Variants in SPIRE2 observed in about 807,000 individuals in gnomAD.
The protein encoded by SPIRE2 is protein spire homolog 2.
Under a neutral mutation model 80.7 loss-of-function variants are expected in SPIRE2, and 76 were observed. The observed-to-expected ratio is 0.94, with a 90% CI of 0.78 to 1.14. SPIRE2 has a LOEUF of 1.14. SPIRE2 is among the 50% of genes most tolerant of loss of function. The probability of loss-of-function intolerance (pLI) is 0.00; values close to 1 mark genes in which losing one functional copy is unlikely to be tolerated. For synonymous variants in SPIRE2, 535 were observed against 432.6 expected (o/e 1.24, Z -2.94); for missense variants, 1,196 against 1,015.3 (o/e 1.18, Z -2.42).
At chr16:89,866,605 T>TATAAGAAGGTA (rs2041791285) in intron 12 of SPIRE2, among the ~76,000 whole-genome samples, 1 of 151,050 alleles carries the variant, frequency 6.6e-6, no homozygotes, top group Non-Finnish European at 1.5e-5. Flanking sequence ...TTGAATTTTT[T>TATAAGAAGGTA]TTTTTTTCTT....
rs1166362745 is a variant in SPIRE2, at chr16:89,863,735, A to G, written c.1711-59A>G. On this transcript the variant is annotated intron_variant, in intron 11 of 14. Coordinates refer to ENST00000378247, the MANE Select transcript of SPIRE2 (RefSeq NM_032451.2). This position sits in a 1 kb window ranked among gnomAD's most constrained non-coding sequence, Gnocchi z 4.3. ...GGAGCCCTGAGGGGGTAGCAGGGACAGGGCGGGACCCCAGGGAGCTTTGGA... is the reference window on the plus strand; with the variant it reads ...GGAGCCCTGAGGGGGTAGCAGGGACGGGGCGGGACCCCAGGGAGCTTTGGA... The G allele has an allele frequency of 7.5e-6, 12 of 1,607,388 alleles. No homozygotes were observed. The highest frequency in any genetic ancestry group is 1.0e-5 in the Non-Finnish European group (12 of 1,174,172).
At chr16:89,851,103 G>A (rs1311760615) in intron 3 of SPIRE2, among the ~76,000 whole-genome samples, 8 of 152,154 alleles carry the variant, frequency 5.3e-5, no homozygotes, top group Non-Finnish European at 1.0e-4. Context: ...TTACAGGCAT[G>A]AGCCACCACG....
intron 10 of SPIRE2, chr16:89,862,892 C>G (rs1453820723): frequency 8.4e-5 from 13 of 154,330 alleles, no homozygotes; most frequent in Admixed American, 7.6e-4. Context: ...CTCGATGGAG[C>G]TGAAATCCAG....
At chr16:89,866,141 C>CCT (rs11389732) in intron 12 of SPIRE2, among the ~76,000 whole-genome samples, 1 of 149,538 alleles carries the variant, frequency 6.7e-6, no homozygotes, top group African/African-American at 2.5e-5. Flanking sequence ...AGAGCAAGAC[C>CCT]TGTCTGGGAA....
chr16:89,870,352 A>G lies in SPIRE2; in HGVS notation c.*80A>G, dbSNP rs2041829541. On this transcript the variant is annotated 3_prime_UTR_variant, in exon 15 of 15. Coordinates refer to ENST00000378247, the MANE Select transcript of SPIRE2 (RefSeq NM_032451.2). ...AGGACGCTCTGAGCTGTGCATGTAC[A>G]TATATACATATATAGATACATTTAT... 2.8e-6 allele frequency: 2 copies of G among 716,990 alleles called. No individual in the cohort carries two copies. The highest frequency in any genetic ancestry group is 4.8e-6 in the Non-Finnish European group (2 of 420,706). The allele number at this position is 716,990 out of a possible 1,614,324, so 44.4% of individuals were successfully genotyped here.
intron 6 of SPIRE2, 116 bp downstream of exon 6, chr16:89,855,802 T>TGC (rs2143814563): frequency 9.4e-7 from 1 of 1,065,462 alleles, no homozygotes; most frequent in East Asian, 2.6e-5. Context: ...GGTGTCCCAG[T>TGC]GCGTCTGCGT....
intron 6 of SPIRE2, 97 bp from the exon 7 acceptor site, chr16:89,856,016 T>TCACTTCCCCACCACAGGTCC: frequency 6.5e-7 from 1 of 1,537,412 alleles, no homozygotes; most frequent in South Asian, 1.3e-5. Context: ...CGTGTCATGG[T>TCACTTCCCCACCACAGGTCC]CACTTCCCCA....
At chr16:89,862,255 G>C (rs913345293) in intron 10 of SPIRE2, 1 of 151,602 alleles carries the variant, frequency 6.6e-6, no homozygotes, top group Admixed American at 6.6e-5. Flanking sequence ...CGCCCTCTTC[G>C]GCCTCCCAAA....
At chr16:89,846,587 C>G (rs1484311714) in intron 2 of SPIRE2, 1 of 151,880 alleles carries the variant, frequency 6.6e-6, no homozygotes, top group Non-Finnish European at 1.5e-5. Flanking sequence ...GATCTTGGCT[C>G]ACTGCAACCT....
At chr16:89,866,047 G>C (rs531918622) in intron 12 of SPIRE2, among the ~76,000 whole-genome samples, 2 of 151,944 alleles carry the variant, frequency 1.3e-5, no homozygotes, top group South Asian at 4.2e-4. Flanking sequence ...ACTTTGGGAG[G>C]CTGAGGTGGG....
intron 12 of SPIRE2, among the ~76,000 whole-genome samples, chr16:89,867,790 G>C (rs534814580): frequency 6.6e-6 from 1 of 151,798 alleles, no homozygotes; most frequent in Admixed American, 6.6e-5. Context: ...TCACCTTGTT[G>C]GTCAGGCTTG....
At chr16:89,858,272 C>T (rs937389619) in intron 7 of SPIRE2, 66 bp from the exon 8 acceptor site, 2 of 1,447,522 alleles carry the variant, frequency 1.4e-6, no homozygotes, top group Non-Finnish European at 1.8e-6. Context: ...GCACACAAAG[C>T]TGTCAGCTCC....
chr16:89,837,366 GGGT>G (rs1174280427), intron 1 of SPIRE2, among the ~76,000 whole-genome samples: 1 of 152,172 alleles, frequency 6.6e-6, no homozygotes, highest in Non-Finnish European at 1.5e-5. Flanking sequence ...AGACTCAGCT[GGGT>G]GGCCTTGGGT....
chr16:89,863,301 C>A lies in SPIRE2; in HGVS notation c.1576-175C>A. On this transcript the variant is annotated intron_variant, in intron 10 of 14. Coordinates refer to ENST00000378247, the MANE Select transcript of SPIRE2 (RefSeq NM_032451.2). The surrounding 1 kb of genome is among the most constrained non-coding windows in gnomAD (Gnocchi z 4.3). ...GGAGGCCTGGCCTGCAGCAGCAGGG[C>A]CCATCAAAGACATGGGGATGGATGG... 2.9e-6 allele frequency: 2 copies of A among 698,512 alleles called. No individual in the cohort carries two copies. The highest frequency in any genetic ancestry group is 4.7e-6 in the Non-Finnish European group (2 of 427,568). The allele number at this position is 698,512 out of a possible 1,614,324, so 43.3% of individuals were successfully genotyped here. A position where few individuals can be genotyped will look rare whatever the true frequency, so the allele number is the denominator to read the frequency against.
Position 89,863,771 on chromosome 16 carries a change from C to T in SPIRE2, c.1711-23C>T. 5 of 1,613,466 alleles carry T rather than the reference C, an allele frequency of 3.1e-6. No homozygotes were observed. Among genetic ancestry groups the T allele is most frequent in the Non-Finnish European group, 3.4e-6 (4 of 1,179,416 alleles). ...CCAGGGAGCTTTGGACAAAGCGGGG[C>T]TCTAACCAGTCTCTCCTGACAGATT... is the stretch of plus-strand genomic sequence containing the variant. On this transcript the variant is annotated intron_variant, in intron 11 of 14. Coordinates refer to ENST00000378247, the MANE Select transcript of SPIRE2 (RefSeq NM_032451.2). This position sits in a 1 kb window ranked among gnomAD's most constrained non-coding sequence, Gnocchi z 4.3.
intron 1 of SPIRE2, among the ~76,000 whole-genome samples, chr16:89,834,498 A>G (rs55940831): frequency 1.9e-4 from 12 of 62,224 alleles, no homozygotes; most frequent in African/African-American, 5.3e-4. Flanking sequence ...GCGGTTGGCC[A>G]TCGTAGAAGT....
At chr16:89,836,446 G>T (rs886341426) in intron 1 of SPIRE2, 5 of 320,020 alleles carry the variant, frequency 1.6e-5, no homozygotes, top group African/African-American at 1.1e-4. Context: ...ATTTCCTTGC[G>T]TCTCTCTCCA....
intron 1 of SPIRE2, among the ~76,000 whole-genome samples, chr16:89,844,614 AT>A (rs1288754403): frequency 6.6e-6 from 1 of 151,766 alleles, no homozygotes; most frequent in Non-Finnish European, 1.5e-5. Flanking sequence ...AATTTTTTGT[AT>A]TTTTAGTACA....
At chr16:89,846,510 T>G (rs1395239479) in intron 2 of SPIRE2, 1 of 75,012 alleles carries the variant, frequency 1.3e-5, no homozygotes, top group Non-Finnish European at 2.5e-5. Context: ...GCCTGGCTAA[T>G]TTTTGTGTTT....
Sources: allele counts gnomAD v4.1 joint callset (sites outside exome capture counted in the v4.1 genomes callset), GRCh38; gene constraint gnomAD v4.1.1; non-coding constraint Gnocchi (gnomAD v3.1); transcripts MANE v1.5; gene names NCBI Gene and HGNC (gene_info 2026-07-23, HGNC 2026-07-21).